The following SEL1L2 variants were observed in gnomAD, a reference collection of about 807,000 sequenced individuals.
SEL1L2 encodes the protein SEL1L2 adaptor subunit of SYVN1 ubiquitin ligase, also known as protein sel-1 homolog 2.
Under a neutral mutation model 98.8 loss-of-function variants are expected in SEL1L2, and 89 were observed. The observed-to-expected ratio is 0.90, with a 90% CI of 0.76 to 1.07. The LOEUF is 1.07. Ranked by LOEUF, SEL1L2 falls within the 50% of genes least tolerant of loss-of-function variation. SEL1L2 has a pLI of 0.00. For missense variants in SEL1L2, 788 were observed against 812.0 expected (o/e 0.97, Z 0.36); for synonymous variants, 262 against 278.5 (o/e 0.94, Z 0.59).
intron 1 of SEL1L2, among the ~76,000 whole-genome samples, chr20:13,976,293 C>A (rs1247603017): frequency 1.3e-5 from 2 of 152,096 alleles, no homozygotes; most frequent in African/African-American, 2.4e-5. Flanking sequence ...AGCCACAGCA[C>A]CCGGACTGTT....
intron 3 of SEL1L2, among the ~76,000 whole-genome samples, chr20:13,926,704 A>T (rs546605294): frequency 4.3e-4 from 66 of 152,362 alleles, no homozygotes; most frequent in Non-Finnish European, 8.4e-4. Context: ...GGGTCTGAAC[A>T]GCACTTCACA....
chr20:13,911,420 G>A (rs1818834846), intron 5 of SEL1L2, among the ~76,000 whole-genome samples: 2 of 152,132 alleles, frequency 1.3e-5, no homozygotes, highest in Non-Finnish European at 1.5e-5. Context: ...GTAACATTTG[G>A]TCTTTAGTGA....
chr20:13,874,204 G>T (rs1241509006), intron 12 of SEL1L2, among the ~76,000 whole-genome samples: 1 of 152,164 alleles, frequency 6.6e-6, no homozygotes. Context: ...CACTGTGCTT[G>T]TTTCTAAGTA....
intron 5 of SEL1L2, among the ~76,000 whole-genome samples, chr20:13,897,331 A>G (rs1205741873): frequency 6.6e-6 from 1 of 152,240 alleles, no homozygotes; most frequent in Non-Finnish European, 1.5e-5. Flanking sequence ...GAAAAGCTTC[A>G]TGACATTGGA....
chr20:13,971,238 T>C (rs2051270293), intron 1 of SEL1L2, among the ~76,000 whole-genome samples: 1 of 152,216 alleles, frequency 6.6e-6, no homozygotes, highest in Non-Finnish European at 1.5e-5. Context: ...TAACTGTTTA[T>C]TGTATCCTTT....
intron 12 of SEL1L2, among the ~76,000 whole-genome samples, chr20:13,875,550 G>T (rs188500145): frequency 6.6e-6 from 1 of 152,298 alleles, no homozygotes; most frequent in Admixed American, 6.5e-5. Context: ...ATTCTCAGTC[G>T]CCTTGCCCTG....
At chr20:13,963,827 T>C (rs937384501) in intron 1 of SEL1L2, among the ~76,000 whole-genome samples, 2 of 152,138 alleles carry the variant, frequency 1.3e-5, no homozygotes, top group African/African-American at 4.8e-5. Context: ...TTGCACACCC[T>C]AGAGTAGGAA....
At chr20:13,987,379 T>C (rs1366331785) in intron 1 of SEL1L2, among the ~76,000 whole-genome samples, 3 of 151,638 alleles carry the variant, frequency 2.0e-5, no homozygotes, top group Non-Finnish European at 4.4e-5. Context: ...AGAGTCTTGT[T>C]CTGTTGCCCA....
chr20:13,877,120 C>T (rs1477883644), intron 11 of SEL1L2, among the ~76,000 whole-genome samples: 8 of 152,136 alleles, frequency 5.3e-5, no homozygotes, highest in African/African-American at 9.7e-5. Flanking sequence ...CCACCGTGCC[C>T]GGCCAAGGTG....
chr20:13,989,379 C>T (rs938137393), intron 1 of SEL1L2, among the ~76,000 whole-genome samples: 9 of 152,082 alleles, frequency 5.9e-5, no homozygotes, highest in Non-Finnish European at 8.8e-5. Flanking sequence ...TGATTCCATA[C>T]GATTTTCTGT....
intron 3 of SEL1L2, among the ~76,000 whole-genome samples, chr20:13,924,826 G>T (rs941983464): frequency 6.6e-6 from 1 of 152,000 alleles, no homozygotes; most frequent in African/African-American, 2.4e-5. Context: ...ACTTTTGCAG[G>T]TTGTTCTACT....
At chr20:13,929,498 T>TTTTTTA (rs2049039677) in intron 3 of SEL1L2, among the ~76,000 whole-genome samples, 1 of 129,792 alleles carries the variant, frequency 7.7e-6, no homozygotes, top group African/African-American at 2.9e-5. Context: ...TTTTTTTTTT[T>TTTTTTA]TTTTTTTTTT....
chr20:13,995,308 C>T (rs186446312), upstream of SEL1L2: 752 of 246,984 alleles, frequency 3.0e-3, 4 homozygotes, highest in Middle Eastern at 0.012. This position sits in a 1 kb window ranked among gnomAD's most constrained non-coding sequence, Gnocchi z 4.3. Context: ...CCCCTCGCTC[C>T]CTGGCTCCGC....
chr20:13,849,863 C>A, intron 19 of SEL1L2: 1 of 539,186 alleles, frequency 1.9e-6, no homozygotes, highest in Non-Finnish European at 3.3e-6. Context: ...TGCCACCTGC[C>A]GTCTGCCTAC....
intron 12 of SEL1L2, among the ~76,000 whole-genome samples, chr20:13,872,425 C>A (rs895482198): frequency 1.3e-5 from 2 of 152,200 alleles, no homozygotes; most frequent in Non-Finnish European, 2.9e-5. Context: ...TTTTGCTCGG[C>A]ACTTCTCCTT....
intron 10 of SEL1L2, 83 bp downstream of exon 10, chr20:13,885,264 C>A: frequency 3.4e-6 from 3 of 876,168 alleles, no homozygotes; most frequent in South Asian, 2.7e-5. Flanking sequence ...CCACCTCTCC[C>A]TCCCCCTGCT....
At chr20:13,960,124 G>T (rs1282806711) in intron 1 of SEL1L2, among the ~76,000 whole-genome samples, 1 of 152,140 alleles carries the variant, frequency 6.6e-6, no homozygotes, top group Non-Finnish European at 1.5e-5. Context: ...AAGTAAACTA[G>T]AAAAAGCAAT....
At chr20:13,951,798 G>GT (rs375960596) in intron 2 of SEL1L2, among the ~76,000 whole-genome samples, 21 of 150,156 alleles carry the variant, frequency 1.4e-4, no homozygotes, top group African/African-American at 4.2e-4. Flanking sequence ...CTCATTAGTT[G>GT]TTTTTTTTGT....
chr20:13,849,509 C>T lies in SEL1L2; in HGVS notation c.2043G>A (p.Leu681=). The change falls in exon 20 of 20, where the codon TTG becomes TTA. Residue 681 remains leucine, a synonymous_variant. Transcript: ENST00000284951. ...CCTACCCATGGTGATTTCTAAGCAA[C>T]AAAATCAGCCCAGGAACAATGAGGC... The part of the protein sequence containing the change: ...VIGLIVPGLI[L]LLRNHHG 6.2e-7 allele frequency: 1 copy of T among 1,614,062 alleles called. No homozygotes were observed. Among genetic ancestry groups the T allele is most frequent in the African/African-American group, 1.3e-5 (1 of 75,040 alleles).
Sources: allele counts gnomAD v4.1 joint callset (sites outside exome capture counted in the v4.1 genomes callset), GRCh38; gene constraint gnomAD v4.1.1; non-coding constraint Gnocchi (gnomAD v3.1); transcripts MANE v1.5; gene names NCBI Gene and HGNC (gene_info 2026-07-23, HGNC 2026-07-21).